The following CCDC88A variants were observed in gnomAD, a reference collection of about 807,000 sequenced individuals.
CCDC88A encodes girdin.
In CCDC88A, 54 loss-of-function variants were observed where a neutral mutation model predicts 234.3. The observed-to-expected ratio is 0.23, with a 90% CI of 0.19 to 0.29. The LOEUF (loss-of-function observed/expected upper bound fraction) is 0.29. CCDC88A is among the 10% of genes least tolerant of loss of function. CCDC88A has a pLI of 1.00. For missense variants in CCDC88A, 1,832 were observed against 2,123.4 expected (o/e 0.86, Z 2.70); for synonymous variants, 753 against 737.8 (o/e 1.02, Z -0.33).
At chr2:55,384,428 C>T (rs1399576853) in intron 3 of CCDC88A, among the ~76,000 whole-genome samples, 1 of 147,040 alleles carries the variant, frequency 6.8e-6, no homozygotes, top group East Asian at 2.0e-4. Context: ...TTCTAATTTT[C>T]TACATTACAA....
intron 2 of CCDC88A, among the ~76,000 whole-genome samples, chr2:55,402,268 A>T (rs1678828088): frequency 1.3e-5 from 2 of 152,216 alleles, no homozygotes; most frequent in Non-Finnish European, 2.9e-5. Context: ...GTGGGAAATA[A>T]CATTCTTTCA....
At chr2:55,383,556 G>C (rs1574387936) in intron 3 of CCDC88A, among the ~76,000 whole-genome samples, 1 of 151,680 alleles carries the variant, frequency 6.6e-6, no homozygotes, top group Non-Finnish European at 1.5e-5. Context: ...CCGGGAGGCG[G>C]AGGTTGCAGT....
chr2:55,352,614 AG>A (rs1670035806), intron 8 of CCDC88A, among the ~76,000 whole-genome samples: 1 of 152,346 alleles, frequency 6.6e-6, no homozygotes, highest in South Asian at 2.1e-4. Flanking sequence ...AGTTTATATT[AG>A]AAAAATTATT....
At chr2:55,381,993 T>C (rs1393543778) in intron 3 of CCDC88A, among the ~76,000 whole-genome samples, 1 of 152,208 alleles carries the variant, frequency 6.6e-6, no homozygotes, top group Non-Finnish European at 1.5e-5. Flanking sequence ...AGTTTATCCA[T>C]GTTACTAATG....
intron 3 of CCDC88A, among the ~76,000 whole-genome samples, chr2:55,384,474 ATATT>A (rs1445389050): frequency 7.1e-6 from 1 of 140,468 alleles, no homozygotes; most frequent in Non-Finnish European, 1.5e-5. Context: ...TTAAATATAC[ATATT>A]TAATTATATA....
intron 18 of CCDC88A, 67 bp from the exon 19 acceptor site, chr2:55,319,071 T>C (rs773216172): frequency 7.9e-7 from 1 of 1,264,036 alleles, no homozygotes; most frequent in Admixed American, 2.0e-5. Context: ...GTTTCTATAG[T>C]ATACTGAATT....
At chr2:55,398,935 T>C (rs917952338) in intron 2 of CCDC88A, among the ~76,000 whole-genome samples, 1 of 151,860 alleles carries the variant, frequency 6.6e-6, no homozygotes, top group African/African-American at 2.4e-5. Context: ...TCTTTAAGGG[T>C]AATTTATAGA....
intron 13 of CCDC88A, 77 bp from the exon 14 acceptor site, chr2:55,336,895 G>T: frequency 2.3e-6 from 2 of 862,420 alleles, no homozygotes; most frequent in Non-Finnish European, 3.5e-6. Context: ...AAACATAATC[G>T]CTGAATAAAG....
rs140053063 is a variant in CCDC88A at position 55,330,100 on chromosome 2, T to C, written c.2856-1665A>G. The C allele has an allele frequency of 3.3e-5, 5 of 152,320 alleles. No homozygotes were observed. The East Asian group carries it at 7.7e-4, about 24-fold the overall frequency. 9.4% of individuals were successfully genotyped at this position (152,320 alleles called of 1,614,324 possible). Reference sequence around the variant, plus strand: ...CGTTGCTTTTAAATTTATTTACTTATACATTCGATTCCAAAACTATATATT... The same window carrying C: ...CGTTGCTTTTAAATTTATTTACTTACACATTCGATTCCAAAACTATATATT... On this transcript the variant is annotated intron_variant, in intron 16 of 32. Transcript: ENST00000436346.
At chr2:55,397,598 A>G (rs1256400136) in intron 2 of CCDC88A, among the ~76,000 whole-genome samples, 2 of 152,190 alleles carry the variant, frequency 1.3e-5, no homozygotes, top group East Asian at 1.9e-4. Flanking sequence ...ACATATAGTA[A>G]TATCATTATT....
Position 55,317,182 on chromosome 2 carries a change from TTATA to T in CCDC88A, c.3746+20_3746+23del, listed in dbSNP as rs1260432423. ...ATATACTTTCTATATAAAATGTTTG[TTATA>T]TATAATATATATTTATTACCTATCA... On this transcript the variant is annotated intron_variant, in intron 21 of 32. Coordinates refer to ENST00000436346, the MANE Select transcript of CCDC88A (RefSeq NM_001365480.1). The surrounding 1 kb of genome is among the most constrained non-coding windows in gnomAD (Gnocchi z 4.2). The T allele has an allele frequency of 1.9e-6, 2 of 1,062,462 alleles. No individual in the cohort carries two copies. Among genetic ancestry groups the T allele is most frequent in the East Asian group, 5.9e-5 (2 of 33,630 alleles). 65.8% of individuals were successfully genotyped at this position (1,062,462 alleles called of 1,614,324 possible). A position where few individuals can be genotyped will look rare whatever the true frequency, so the allele number is the denominator to read the frequency against.
intron 29 of CCDC88A, 36 bp downstream of exon 29, chr2:55,299,803 G>A: frequency 7.3e-7 from 1 of 1,363,222 alleles, no homozygotes; most frequent in South Asian, 1.2e-5. Context: ...TACTGGAAAT[G>A]GATAGAGCGC....
In CCDC88A at chr2:55,394,911, C is replaced by T. The variant is rs561532750; in HGVS notation, c.165-6025G>A. Among the ~76,000 whole-genome samples the T allele has an allele frequency of 2.6e-3, 390 of 151,922 alleles. 1 individual carries two copies. Among genetic ancestry groups the T allele is most frequent in the African/African-American group, 8.9e-3 (369 of 41,422 alleles). On this transcript the variant is annotated intron_variant, in intron 2 of 32. Transcript: ENST00000436346. Reference sequence around the variant, plus strand: ...CCCAGGCTGGAGTGCAATGGCACAACCTCCACTCACTGCAACCTCCACCTT... The same window carrying T: ...CCCAGGCTGGAGTGCAATGGCACAATCTCCACTCACTGCAACCTCCACCTT...
At chr2:55,359,318 T>C (rs904344768) in intron 7 of CCDC88A, among the ~76,000 whole-genome samples, 1 of 152,198 alleles carries the variant, frequency 6.6e-6, no homozygotes, top group East Asian at 1.9e-4. Context: ...TGGAGATATC[T>C]ATCAAGAGCT....
intron 18 of CCDC88A, among the ~76,000 whole-genome samples, chr2:55,320,026 T>C (rs1206392926): frequency 6.6e-6 from 1 of 152,112 alleles, no homozygotes; most frequent in African/African-American, 2.4e-5. Flanking sequence ...AGGTCAGGAT[T>C]TGACCCACAT....
intron 4 of CCDC88A, among the ~76,000 whole-genome samples, chr2:55,373,500 AT>A (rs1378057055): frequency 4.6e-5 from 7 of 152,140 alleles, no homozygotes; most frequent in Admixed American, 4.6e-4. Flanking sequence ...ATGGCTCCAA[AT>A]TTTATATGCC....
rs973453677 is a variant in CCDC88A, at chr2:55,287,972, T to C, written c.*3228A>G. ...TTTAAAAAACAAACAGTGGTATCTC[T>C]TGTCATGAGTTGGATGCCTGTGACT... On this transcript the variant is annotated 3_prime_UTR_variant, in exon 33 of 33. Coordinates refer to ENST00000436346, the MANE Select transcript of CCDC88A (RefSeq NM_001365480.1). The C allele has an allele frequency of 2.6e-5, 4 of 152,626 alleles. No homozygotes were observed. Among genetic ancestry groups the C allele is most frequent in the East Asian group, 1.9e-4 (1 of 5,206 alleles). The allele number at this position is 152,626 out of a possible 1,614,324, so 9.5% of individuals were successfully genotyped here.
chr2:55,300,272 T>C (rs922640855), intron 28 of CCDC88A: 1 of 231,212 alleles, frequency 4.3e-6, no homozygotes, highest in Admixed American at 5.1e-5. Flanking sequence ...GACAAGGAAC[T>C]CTGCACATTG....
intron 7 of CCDC88A, among the ~76,000 whole-genome samples, chr2:55,360,153 A>T (rs1279744289): frequency 6.6e-6 from 1 of 152,204 alleles, no homozygotes; most frequent in African/African-American, 2.4e-5. Context: ...TTAAAAATCT[A>T]TTTGGGTTTT....
Sources: allele counts gnomAD v4.1 joint callset (sites outside exome capture counted in the v4.1 genomes callset), GRCh38; gene constraint gnomAD v4.1.1; non-coding constraint Gnocchi (gnomAD v3.1); transcripts MANE v1.5; gene names NCBI Gene and HGNC (gene_info 2026-07-23, HGNC 2026-07-21).